The following VPS4A variants were observed in gnomAD, a reference collection of about 807,000 sequenced individuals.
VPS4A encodes vacuolar protein sorting-associated protein 4A.
VPS4A carries 20 observed loss-of-function variants against 52.3 expected under a neutral mutation model. That is an observed-to-expected ratio of 0.38 (90% CI 0.27 to 0.56). The LOEUF is 0.56. Among genes scored for constraint, VPS4A ranks in the 20% least tolerant of loss-of-function variants. The pLI is 0.72. For synonymous variants in VPS4A, 293 were observed against 227.7 expected (o/e 1.29, Z -2.58); for missense variants, 419 against 575.9 (o/e 0.73, Z 2.79).
intron 10 of VPS4A, chr16:69,323,692 G>C: frequency 2.2e-6 from 1 of 455,432 alleles, no homozygotes; most frequent in South Asian, 1.6e-5. Context: ...GCTCCCGCCT[G>C]TAATCCCAGC....
At chr16:69,324,049 A>G (rs1261334530) in intron 10 of VPS4A, among the ~76,000 whole-genome samples, 159 bp from the exon 11 acceptor site, 1 of 151,898 alleles carries the variant, frequency 6.6e-6, no homozygotes, top group African/African-American at 2.4e-5. Context: ...CTGCCTCGAG[A>G]GGGAAGAGGG....
At chr16:69,313,706 G>A (rs1965403803) in intron 1 of VPS4A, among the ~76,000 whole-genome samples, 2 of 152,114 alleles carry the variant, frequency 1.3e-5, no homozygotes, top group Admixed American at 1.3e-4. Context: ...AGCTGCTTTT[G>A]TGCCATCAAG....
rs1231515684 is a variant in VPS4A, at chr16:69,321,205, A to G, written c.1006A>G (p.Ile336Val). 6.4e-7 allele frequency: 1 copy of G among 1,569,424 alleles called. No homozygotes were observed. The highest frequency in any genetic ancestry group is 1.9e-5 in the Admixed American group (1 of 53,756). ...AGGCTACTCGGGCGCGGACATCAGC[A>G]TCATCGTGCGGGACTCTCTCATGCA... ...TEGYSGADIS[I>V]IVRDSLMQPV... The change falls in exon 9 of 11, where the codon ATC becomes GTC. Residue 336 changes from isoleucine to valine, a missense_variant. Ile to Val is a conservative substitution (Grantham distance 29). Around this residue, in one of 3 missense-constraint regions of VPS4A, gnomAD observed 185 missense variants for 200.2 expected, o/e 0.92. Transcript: ENST00000254950. The surrounding 1 kb of genome is among the most constrained non-coding windows in gnomAD (Gnocchi z 4.5).
rs145165129 is a variant in VPS4A at position 69,322,992 on chromosome 16, C to T, written c.1212+292C>T. The T allele has an allele frequency of 3.7e-3, 745 of 199,376 alleles. 5 individuals are homozygous for T. Among genetic ancestry groups the T allele is most frequent in the African/African-American group, 0.017 (712 of 43,038 alleles). 12.4% of individuals were successfully genotyped at this position (199,376 alleles called of 1,614,324 possible). On this transcript the variant is annotated intron_variant, in intron 10 of 10. Coordinates refer to ENST00000254950, the MANE Select transcript of VPS4A (RefSeq NM_013245.3). ...CTGAGGCAGAAGGATCGCTTGAAGC[C>T]GGGAGGCAGAGGTTGCAGTGAGCAG...
At position 69,321,289 on chromosome 16, in the gene VPS4A, T is replaced by C; in HGVS notation, c.1071+19T>C. On this transcript the variant is annotated intron_variant, in intron 9 of 10. Transcript: ENST00000254950. This position sits in a 1 kb window ranked among gnomAD's most constrained non-coding sequence, Gnocchi z 4.5. ...CAAAAAGGTGAGTGCCCGCGGCCAC[T>C]GCTGAGAAAAATCTCATAGTAAGAG... 4 of 1,547,148 alleles carry C rather than the reference T, an allele frequency of 2.6e-6. No homozygotes were observed. Among genetic ancestry groups the C allele is most frequent in the Non-Finnish European group, 3.5e-6 (4 of 1,144,706 alleles).
chr16:69,322,694 T>C lies in VPS4A; in HGVS notation c.1206T>C (p.Val402=), dbSNP rs373441083. 3 of 1,612,788 alleles carry C rather than the reference T, an allele frequency of 1.9e-6. No individual in the cohort carries two copies. In the African/African-American group the frequency reaches 4.0e-5, roughly 22 times the overall value. The change falls in exon 10 of 11, where the codon GTT becomes GTC. Residue 402 remains valine (V), a synonymous_variant. Coordinates refer to ENST00000254950, the MANE Select transcript of VPS4A (RefSeq NM_013245.3). ...GGGACAAACTCTTAGAGCCTGTGGT[T>C]TGCATGGTAAGTGACTTGACAGGGG... The part of the protein sequence containing the change: ...VPGDKLLEPV[V]CMSDMLRSLA...
At chr16:69,324,180 G>A in intron 10 of VPS4A, 28 bp from the exon 11 acceptor site, 2 of 1,604,908 alleles carry the variant, frequency 1.2e-6, no homozygotes, top group Non-Finnish European at 1.7e-6. Context: ...CCTGGCTCCT[G>A]CTCAGGCACA....
Position 69,324,384 on chromosome 16 carries a change from C to A in VPS4A, c.*75C>A. On this transcript the variant is annotated 3_prime_UTR_variant, in exon 11 of 11. Coordinates refer to ENST00000254950, the MANE Select transcript of VPS4A (RefSeq NM_013245.3). ...ATCCAGGCACTCCCCATGTCAACAGCCAGACAGGGCTCCAGGGCTTGTCCC... is the reference window on the plus strand; with the variant it reads ...ATCCAGGCACTCCCCATGTCAACAGACAGACAGGGCTCCAGGGCTTGTCCC... 2 of 1,429,118 alleles carry A rather than the reference C, an allele frequency of 1.4e-6. No individual in the cohort carries two copies. The highest frequency in any genetic ancestry group is 1.9e-6 in the Non-Finnish European group (2 of 1,028,558). The allele number at this position is 1,429,118 out of a possible 1,614,324, so 88.5% of individuals were successfully genotyped here.
intron 1 of VPS4A, 122 bp from the exon 2 acceptor site, chr16:69,315,886 C>T: frequency 1.3e-6 from 1 of 795,526 alleles, no homozygotes. Context: ...ATGAAATGGC[C>T]CGCAAGCAAT....
At position 69,320,285 on chromosome 16, in the gene VPS4A, G is replaced by A. The variant is rs1232567036; in HGVS notation, c.765G>A (p.Met255Ile). 1.2e-6 allele frequency: 2 copies of A among 1,613,510 alleles called. No homozygotes were observed. The highest frequency in any genetic ancestry group is 1.1e-5 in the South Asian group (1 of 91,090). ...RRIKTEFLVQ[M>I]QGVGNNNDGT... ...TCAAAACGGAGTTCTTGGTCCAGAT[G>A]CAGGGTGTGTGCCGGGCCCAGGGCC... Residue 255 changes from methionine to isoleucine, a missense_variant, in exon 7 of 11, where the codon ATG becomes ATA. Met to Ile is a conservative substitution (Grantham distance 10, BLOSUM62 1). This residue lies in a region of VPS4A where 103 missense variants were observed against 210.3 expected (regional missense o/e 0.49). Coordinates refer to ENST00000254950, the MANE Select transcript of VPS4A (RefSeq NM_013245.3). The surrounding 1 kb of genome is among the most constrained non-coding windows in gnomAD (Gnocchi z 4.2).
chr16:69,325,910 G>A lies in VPS4A; in HGVS notation c.*1601G>A, dbSNP rs1304575016. On this transcript the variant is annotated 3_prime_UTR_variant, in exon 11 of 11. Transcript: ENST00000254950. ...CCCACTCATCTGTGTTGCCTGCCCA[G>A]ATAGCCCCATGGCCATTTCAGTTTG... is the stretch of plus-strand genomic sequence containing the variant. 6.6e-6 allele frequency: 1 copy of A among 152,316 alleles called. No homozygotes were observed. The highest frequency in any genetic ancestry group is 1.5e-5 in the Non-Finnish European group (1 of 68,194). The allele number at this position is 152,316 out of a possible 1,614,324, so 9.4% of individuals were successfully genotyped here.
At position 69,326,146 on chromosome 16, in the gene VPS4A, G is replaced by A. The variant is rs1965591750; in HGVS notation, c.*1837G>A. On this transcript the variant is annotated 3_prime_UTR_variant, in exon 11 of 11. Transcript: ENST00000254950. ...CCTTCCCTCTCCAAAACCCAGTACT[G>A]CTCCTCTACCTTTCAAACCTGGTTG... The A allele has an allele frequency of 6.6e-6, 1 of 152,296 alleles. No homozygotes were observed. The highest frequency in any genetic ancestry group is 1.5e-5 in the Non-Finnish European group (1 of 68,106). The allele number at this position is 152,296 out of a possible 1,614,324, so 9.4% of individuals were successfully genotyped here.
In VPS4A at chr16:69,320,551, T is replaced by G; in HGVS notation, c.770-137T>G. On this transcript the variant is annotated intron_variant, in intron 7 of 10. Coordinates refer to ENST00000254950, the MANE Select transcript of VPS4A (RefSeq NM_013245.3). The surrounding 1 kb of genome is among the most constrained non-coding windows in gnomAD (Gnocchi z 4.2). ...AGACCAAGATGTGGTTTAATCTCAC[T>G]TGGGACCCTGCCAGTGGTGGGTGGC... 2.3e-6 allele frequency: 2 copies of G among 857,680 alleles called. No homozygotes were observed. Among genetic ancestry groups the G allele is most frequent in the Non-Finnish European group, 1.8e-6 (1 of 549,574 alleles). The allele number at this position is 857,680 out of a possible 1,614,324, so 53.1% of individuals were successfully genotyped here.
intron 1 of VPS4A, among the ~76,000 whole-genome samples, chr16:69,314,613 C>A (rs1013543707): frequency 2.0e-5 from 3 of 152,208 alleles, no homozygotes; most frequent in African/African-American, 7.2e-5. Flanking sequence ...ATGGCCAGCA[C>A]TCACCCCTCT....
At chr16:69,315,621 C>A (rs994939392) in intron 1 of VPS4A, among the ~76,000 whole-genome samples, 1 of 152,178 alleles carries the variant, frequency 6.6e-6, no homozygotes, top group Admixed American at 6.5e-5. Flanking sequence ...CTAAACAAAC[C>A]AGCAGTCACT....
chr16:69,317,871 G>A (rs1335724591), intron 3 of VPS4A, among the ~76,000 whole-genome samples: 5 of 145,994 alleles, frequency 3.4e-5, no homozygotes, highest in African/African-American at 1.3e-4. Flanking sequence ...AGAATTCAGA[G>A]AATTACTTGA....
rs114096055 is a variant in VPS4A at position 69,320,385 on chromosome 16, C to A, written c.769+96C>A. The A allele has an allele frequency of 5.1e-4, 779 of 1,528,568 alleles. 4 individuals are homozygous for A. The African/African-American group carries it at 7.8e-3, about 15-fold the overall frequency. 94.7% of individuals were successfully genotyped at this position (1,528,568 alleles called of 1,614,324 possible). A position where few individuals can be genotyped will look rare whatever the true frequency, so the allele number is the denominator to read the frequency against. ...TGCGGCTGGATTTGGTTGTTCTCAG[C>A]CTCGGAGAGGCACTCCCCAGCTCCA... On this transcript the variant is annotated intron_variant, in intron 7 of 10. Coordinates refer to ENST00000254950, the MANE Select transcript of VPS4A (RefSeq NM_013245.3). This position sits in a 1 kb window ranked among gnomAD's most constrained non-coding sequence, Gnocchi z 4.2.
intron 10 of VPS4A, 116 bp downstream of exon 10, chr16:69,322,816 T>C: frequency 7.3e-7 from 1 of 1,368,656 alleles, no homozygotes; most frequent in Non-Finnish European, 9.8e-7. Flanking sequence ...ACGCCTGTAA[T>C]CCCAGCACTT....
At chr16:69,323,770 TG>T (rs1437475858) in intron 10 of VPS4A, 30 of 413,942 alleles carry the variant, frequency 7.2e-5, no homozygotes, top group Admixed American at 6.7e-4. Context: ...GCCAACATAG[TG>T]AAACCCCGTC....
Sources: gnomAD v4.1 joint callset for allele counts (sites outside exome capture counted in the v4.1 genomes callset) on GRCh38, gnomAD v4.1.1 for gene constraint, gnomAD v4.1.1 regional missense constraint, Gnocchi (gnomAD v3.1) non-coding constraint, MANE v1.5 for transcripts, NCBI Gene and HGNC (gene_info 2026-07-23, HGNC 2026-07-21) for gene names.